The following PAX9 variants were observed in gnomAD, a reference collection of about 807,000 sequenced individuals.
PAX9 encodes the protein paired box protein Pax-9.
A neutral mutation model predicts 29.1 loss-of-function variants in PAX9; 6 were observed. That is an observed-to-expected ratio of 0.21 (90% CI 0.11 to 0.41). PAX9 has a LOEUF of 0.41. PAX9 is among the 10% of genes least tolerant of loss of function. The probability of loss-of-function intolerance (pLI) is 1.00; values close to 1 mark genes in which losing one functional copy is unlikely to be tolerated. For missense variants in PAX9, 443 were observed against 479.1 expected (o/e 0.92, Z 0.70); for synonymous variants, 217 against 211.7 (o/e 1.03, Z -0.22).
chr14:36,670,688 A>G (rs969212675), intron 3 of PAX9, among the ~76,000 whole-genome samples: 5 of 152,200 alleles, frequency 3.3e-5, no homozygotes, highest in Admixed American at 2.6e-4. Context: ...TTACATTTTA[A>G]CCAGTAGTAT....
Position 36,663,060 on chromosome 14 carries a change from C to T in PAX9, c.168C>T (p.Ile56=). Residue 56 remains isoleucine, a synonymous_variant, in exon 2 of 4, where the codon ATC becomes ATT. Transcript: ENST00000361487. ...TCTCGCACGGCTGCGTCAGCAAGAT[C>T]CTGGCGCGATACAACGAGACGGGCT... ...LRVSHGCVSK[I]LARYNETGSI... 6.2e-7 allele frequency: 1 copy of T among 1,613,926 alleles called. No individual in the cohort carries two copies. Among genetic ancestry groups the T allele is most frequent in the Non-Finnish European group, 8.5e-7 (1 of 1,180,032 alleles).
intron 3 of PAX9, among the ~76,000 whole-genome samples, chr14:36,667,845 T>C (rs1437032626): frequency 6.6e-6 from 1 of 152,228 alleles, no homozygotes; most frequent in East Asian, 1.9e-4. Context: ...TCATTTTCTT[T>C]TACTAAACGA....
intron 1 of PAX9, chr14:36,662,693 A>C: frequency 1.6e-6 from 1 of 628,018 alleles, no homozygotes. Flanking sequence ...GCACGGCAGG[A>C]ATGAGGGAGG....
intron 1 of PAX9, chr14:36,662,534 G>C (rs1208746381): frequency 2.4e-6 from 1 of 416,064 alleles, no homozygotes; most frequent in Non-Finnish European, 4.3e-6. Flanking sequence ...TGGGTGGAGA[G>C]AGGGAGCGGC....
At chr14:36,671,763 A>C (rs970983135) in intron 3 of PAX9, among the ~76,000 whole-genome samples, 15 of 152,172 alleles carry the variant, frequency 9.9e-5, no homozygotes, top group South Asian at 2.1e-4. Flanking sequence ...GAACAAACGA[A>C]ATTAAAACTT....
chr14:36,661,659 C>G (rs1261888159), upstream of PAX9: 1 of 244,522 alleles, frequency 4.1e-6, no homozygotes. Flanking sequence ...TGTGCCGCTT[C>G]TGGGAAGATG....
chr14:36,670,600 G>A (rs571776031), intron 3 of PAX9, among the ~76,000 whole-genome samples: 1 of 151,980 alleles, frequency 6.6e-6, no homozygotes. Flanking sequence ...TATAGACAAT[G>A]AAATCTTAGG....
At chr14:36,661,845 C>T (rs1034771946), upstream of PAX9, 18 of 581,058 alleles carry the variant, frequency 3.1e-5, no homozygotes, top group African/African-American at 3.0e-4. Flanking sequence ...TAGACGGAGC[C>T]GCCCTGCCCT....
At chr14:36,662,232 A>G (rs1191682781) in intron 1 of PAX9, 139 bp downstream of exon 1, 29 of 1,028,718 alleles carry the variant, frequency 2.8e-5, no homozygotes, top group Non-Finnish European at 3.8e-5. Context: ...TCGTGTTCCT[A>G]CAAGTTGTAG....
chr14:36,676,223 G>A lies in PAX9; in HGVS notation c.797G>A (p.Gly266Asp). 1 of 1,614,046 alleles carries A rather than the reference G, an allele frequency of 6.2e-7. No individual in the cohort carries two copies. Among genetic ancestry groups the A allele is most frequent in the Non-Finnish European group, 8.5e-7 (1 of 1,180,022 alleles). Residue 266 changes from glycine (G) to aspartate (D), a missense_variant, in exon 4 of 4, where the codon GGC (glycine) becomes GAC (aspartate). This residue lies in a region of PAX9 where 336 missense variants were observed against 317.2 expected (regional missense o/e 1.06). Coordinates refer to ENST00000361487, the MANE Select transcript of PAX9 (RefSeq NM_001372076.1). ...GQAPNGLPAV[G>D]SFVSASSMAP... ...GCACCAAATGGTCTCCCAGCTGTGG[G>A]CAGTTTTGTGTCAGCATCCAGCATG...
intron 3 of PAX9, 102 bp downstream of exon 3, chr14:36,666,703 G>A (rs1428253397): frequency 7.1e-6 from 10 of 1,412,518 alleles, no homozygotes; most frequent in Non-Finnish European, 8.8e-6. Context: ...CGCGAGAGAA[G>A]CCCAGGCTGG....
chr14:36,663,227 G>T lies in PAX9; in HGVS notation c.335G>T (p.Cys112Phe), dbSNP rs1277360021. The T allele has an allele frequency of 6.2e-7, 1 of 1,613,966 alleles. No homozygotes were observed. ...GACCGCCTGCTGGCGGACGGCGTGT[G>T]CGACAAGTACAATGTGCCCTCCGTG... ...IRDRLLADGVCDKYNVPSVSS... is the reference protein window; with the variant it reads ...IRDRLLADGVFDKYNVPSVSS... The change falls in exon 2 of 4, where the codon TGC (cysteine) becomes TTC (phenylalanine). Residue 112 changes from cysteine to phenylalanine, a missense_variant. Around this residue, in one of 2 missense-constraint regions of PAX9, gnomAD observed 107 missense variants for 161.9 expected, o/e 0.66. Transcript: ENST00000361487.
chr14:36,659,124 T>C (rs570957200), upstream of PAX9, among the ~76,000 whole-genome samples: 1 of 152,316 alleles, frequency 6.6e-6, no homozygotes, highest in South Asian at 2.1e-4. Context: ...CAGGCCTTAC[T>C]GGTGTTTTGG....
At position 36,666,530 on chromosome 14, in the gene PAX9, C is replaced by A; in HGVS notation, c.700C>A (p.Pro234Thr). The A allele has an allele frequency of 6.3e-7, 1 of 1,596,352 alleles. No homozygotes were observed. Among genetic ancestry groups the A allele is most frequent in the Non-Finnish European group, 8.5e-7 (1 of 1,171,728 alleles). The stretch of plus-strand genomic sequence containing the variant: ...GAGCAGCCTGGGCCGCAACAACTTC[C>A]CCGCCGCCGCCCCGCACGCGGTGAA... Reference protein sequence around the residue: ...EWSSLGRNNFPAAAPHAVNGL... With the variant: ...EWSSLGRNNFTAAAPHAVNGL... Residue 234 changes from proline to threonine, a missense_variant, in exon 3 of 4, where the codon CCC becomes ACC. Transcript: ENST00000361487.
intron 3 of PAX9, among the ~76,000 whole-genome samples, chr14:36,675,622 T>C (rs1431097784): frequency 6.6e-6 from 1 of 152,248 alleles, no homozygotes; most frequent in African/African-American, 2.4e-5. Context: ...AAGTGCCTGA[T>C]TTTTGTATGT....
intron 1 of PAX9, 90 bp downstream of exon 1, chr14:36,662,183 C>T: frequency 1.5e-6 from 2 of 1,304,736 alleles, no homozygotes; most frequent in Admixed American, 2.7e-5. Flanking sequence ...AGCGCGAGGG[C>T]GCGCGCCACT....
intron 3 of PAX9, chr14:36,672,156 G>A (rs542016272): frequency 6.6e-6 from 1 of 152,306 alleles, no homozygotes; most frequent in African/African-American, 2.4e-5. Context: ...GCCCATTGCT[G>A]GGGTTTCATT....
intron 1 of PAX9, 54 bp downstream of exon 1, chr14:36,662,147 CG>C: frequency 6.8e-6 from 1 of 147,710 alleles, no homozygotes; most frequent in Non-Finnish European, 1.4e-5. Flanking sequence ...AGGGAGCGAG[CG>C]GGCAAGGGAG....
chr14:36,661,121 G>T (rs139202137), upstream of PAX9, among the ~76,000 whole-genome samples: 4 of 152,378 alleles, frequency 2.6e-5, no homozygotes, highest in East Asian at 5.8e-4. Context: ...ACTGGCAATT[G>T]GTCGACTTGG....
Sources: gnomAD v4.1 joint callset for allele counts (sites outside exome capture counted in the v4.1 genomes callset) on GRCh38, gnomAD v4.1.1 for gene constraint, gnomAD v4.1.1 regional missense constraint, MANE v1.5 for transcripts, NCBI Gene and HGNC (gene_info 2026-07-23, HGNC 2026-07-21) for gene names.